The following UBE3D variants were observed in gnomAD, a reference collection of about 807,000 sequenced individuals.
UBE3D encodes E3 ubiquitin-protein ligase E3D.
A neutral mutation model predicts 49.6 loss-of-function variants in UBE3D; 48 were observed. The observed-to-expected ratio is 0.97, with a 90% confidence interval of 0.77 to 1.23. The LOEUF (loss-of-function observed/expected upper bound fraction) is 1.23. Ranked by LOEUF, UBE3D falls within the 50% of genes most tolerant of loss-of-function variation. The probability of loss-of-function intolerance (pLI) is 0.00; values close to 1 mark genes in which losing one functional copy is unlikely to be tolerated. For missense variants in UBE3D, 452 were observed against 468.4 expected (o/e 0.96, Z 0.32); for synonymous variants, 189 against 174.2 (o/e 1.08, Z -0.67).
intron 9 of UBE3D, among the ~76,000 whole-genome samples, chr6:82,918,466 C>T (rs1461870073): frequency 6.6e-6 from 1 of 152,114 alleles, no homozygotes; most frequent in Non-Finnish European, 1.5e-5. Context: ...AGGAACACAT[C>T]TGAGTTTACT....
At chr6:83,041,200 T>G (rs1206826764) in intron 4 of UBE3D, among the ~76,000 whole-genome samples, 2 of 152,172 alleles carry the variant, frequency 1.3e-5, no homozygotes, top group Non-Finnish European at 2.9e-5. Context: ...TTTTTTCAAG[T>G]GCTTTGATAT....
intron 8 of UBE3D, among the ~76,000 whole-genome samples, chr6:82,972,252 C>T (rs897340534): frequency 4.6e-5 from 7 of 152,184 alleles, no homozygotes; most frequent in African/African-American, 1.7e-4. Context: ...AGATACCGTT[C>T]TTTCACAAGA....
chr6:83,016,094 G>A (rs536980353), intron 8 of UBE3D, among the ~76,000 whole-genome samples: 1 of 152,240 alleles, frequency 6.6e-6, no homozygotes, highest in East Asian at 1.9e-4. Flanking sequence ...CATGATAAAA[G>A]CTTTTGTCTG....
intron 9 of UBE3D, among the ~76,000 whole-genome samples, chr6:82,916,002 A>T (rs1772889590): frequency 6.6e-6 from 1 of 152,304 alleles, no homozygotes; most frequent in Admixed American, 6.5e-5. Context: ...ATTGAAGTAG[A>T]TGTTTACAAT....
chr6:82,948,808 A>C (rs1230778906), intron 9 of UBE3D, among the ~76,000 whole-genome samples: 1 of 151,908 alleles, frequency 6.6e-6, no homozygotes, highest in Admixed American at 6.6e-5. Flanking sequence ...ATGCATCTGG[A>C]AAAATTCAAC....
chr6:83,062,867 A>AAT (rs1784255364), intron 1 of UBE3D, among the ~76,000 whole-genome samples: 1 of 152,190 alleles, frequency 6.6e-6, no homozygotes, highest in South Asian at 2.1e-4. Flanking sequence ...AGAATAAATG[A>AAT]ATATCCTTAT....
chr6:83,000,675 C>T (rs868157077), intron 8 of UBE3D, among the ~76,000 whole-genome samples: 2 of 152,022 alleles, frequency 1.3e-5, no homozygotes, highest in Non-Finnish European at 2.9e-5. Context: ...CCTTTGGGTC[C>T]CTGAGTTGGT....
At chr6:82,918,031 T>G (rs1455793535) in intron 9 of UBE3D, among the ~76,000 whole-genome samples, 1 of 152,202 alleles carries the variant, frequency 6.6e-6, no homozygotes, top group Non-Finnish European at 1.5e-5. Context: ...CTTCAATAAA[T>G]TCTCTGCTTT....
chr6:83,046,673 G>GGGGC (rs1554211637), intron 3 of UBE3D, among the ~76,000 whole-genome samples: 1 of 12,510 alleles, frequency 8.0e-5, no homozygotes, highest in South Asian at 4.8e-3. Context: ...TGCAGTTGGC[G>GGGGC]GGGGGGGTGG....
rs549359925 is a variant in UBE3D at position 82,957,537 on chromosome 6, G to T, written c.1011-87C>A. On this transcript the variant is annotated intron_variant, in intron 8 of 9. Coordinates refer to ENST00000369747, the MANE Select transcript of UBE3D (RefSeq NM_198920.3). ...ATATGAAAGAAGAAAACTCAATTGTGAGAGAAAAAGGCAAAGTACAAAAAC... is the reference window on the plus strand; with the variant it reads ...ATATGAAAGAAGAAAACTCAATTGTTAGAGAAAAAGGCAAAGTACAAAAAC... The T allele has an allele frequency of 4.9e-6, 7 of 1,440,790 alleles. No homozygotes were observed. The East Asian group carries it at 1.4e-4, about 29-fold the overall frequency. 89.3% of individuals were successfully genotyped at this position (1,440,790 alleles called of 1,614,324 possible).
At chr6:82,903,591 T>TC (rs1193371330) in intron 9 of UBE3D, among the ~76,000 whole-genome samples, 26 of 152,142 alleles carry the variant, frequency 1.7e-4, no homozygotes, top group African/African-American at 6.3e-4. Flanking sequence ...AAGAAAGGAA[T>TC]CAAAATGTAA....
intron 1 of UBE3D, among the ~76,000 whole-genome samples, chr6:83,061,954 C>T (rs1279608932): frequency 1.3e-5 from 2 of 152,152 alleles, no homozygotes; most frequent in African/African-American, 4.8e-5. Flanking sequence ...TATGGCAGTT[C>T]TACACCTCAC....
chr6:82,969,492 C>T lies in UBE3D; in HGVS notation c.1011-12042G>A, dbSNP rs1307185135. Among the ~76,000 whole-genome samples, 4 of 152,106 alleles carry T rather than the reference C, an allele frequency of 2.6e-5. No homozygotes were observed. The East Asian group carries it at 7.7e-4, about 29-fold the overall frequency. On this transcript the variant is annotated intron_variant, in intron 8 of 9. Transcript: ENST00000369747. The stretch of plus-strand genomic sequence containing the variant: ...GCATGGTGGCACATGCCTGTGGGCT[C>T]AGCTACTTGGGAGGCTGAGGTAGGA...
intron 1 of UBE3D, among the ~76,000 whole-genome samples, chr6:83,062,727 T>C (rs1406800630): frequency 6.6e-6 from 1 of 152,228 alleles, no homozygotes; most frequent in African/African-American, 2.4e-5. Context: ...TTTTGCTTTA[T>C]ACAGAAAGAC....
chr6:82,900,995 G>A (rs1194087856), intron 9 of UBE3D, among the ~76,000 whole-genome samples: 1 of 152,118 alleles, frequency 6.6e-6, no homozygotes, highest in Non-Finnish European at 1.5e-5. Flanking sequence ...CGTGATTTAT[G>A]ATTATATGAA....
rs190117961 is a variant in UBE3D at position 82,900,019 on chromosome 6, C to A, written c.1150-6977G>T. ...GATATAAAATGGTGCTACCTCAATA[C>A]ATGCACACACACTCACAAATCAAAA... On this transcript the variant is annotated intron_variant, in intron 9 of 9. Transcript: ENST00000369747. Among the ~76,000 whole-genome samples the A allele has an allele frequency of 1.9e-4, 29 of 152,316 alleles. No individual in the cohort carries two copies. In the East Asian group the frequency reaches 5.6e-3, roughly 29 times the overall value.
intron 3 of UBE3D, among the ~76,000 whole-genome samples, chr6:83,053,389 CTA>C (rs1452989396): frequency 6.6e-6 from 1 of 152,192 alleles, no homozygotes; most frequent in East Asian, 1.9e-4. Flanking sequence ...ATAAAGAACT[CTA>C]AATTCTTTAA....
chr6:83,039,758 C>T (rs533734789), intron 4 of UBE3D, among the ~76,000 whole-genome samples: 6 of 152,278 alleles, frequency 3.9e-5, no homozygotes, highest in Admixed American at 3.3e-4. Context: ...AATTCTCTGC[C>T]TCAGCCTCCC....
intron 5 of UBE3D, among the ~76,000 whole-genome samples, chr6:83,034,918 C>T (rs777968175): frequency 3.9e-5 from 6 of 152,102 alleles, no homozygotes; most frequent in African/African-American, 1.2e-4. Context: ...TATGTTGGCT[C>T]ATGCCTGTAA....
Sources: gnomAD v4.1 joint callset for allele counts (sites outside exome capture counted in the v4.1 genomes callset) on GRCh38, gnomAD v4.1.1 for gene constraint, MANE v1.5 for transcripts, NCBI Gene and HGNC (gene_info 2026-07-23, HGNC 2026-07-21) for gene names.